PARD3: variants seen among roughly 807,000 people sequenced by gnomAD.
PARD3 encodes the protein partitioning defective 3 homolog.
A neutral mutation model predicts 155.4 loss-of-function variants in PARD3; 75 were observed. That is an observed-to-expected ratio of 0.48 (90% CI 0.40 to 0.58). The LOEUF (loss-of-function observed/expected upper bound fraction) is 0.58. Ranked by LOEUF, PARD3 falls within the 20% of genes least tolerant of loss-of-function variation. The probability of loss-of-function intolerance (pLI) is 0.00; values close to 1 mark genes in which losing one functional copy is unlikely to be tolerated. For missense variants in PARD3, 1,642 were observed against 1,721.7 expected (o/e 0.95, Z 0.82); for synonymous variants, 576 against 610.5 (o/e 0.94, Z 0.83).
intron 22 of PARD3, among the ~76,000 whole-genome samples, chr10:34,165,648 T>C (rs117131786): frequency 2.0e-4 from 30 of 152,366 alleles, no homozygotes; most frequent in African/African-American, 6.5e-4. Context: ...AACAGCTTAA[T>C]AGAGTGAGTG....
intron 5 of PARD3, among the ~76,000 whole-genome samples, chr10:34,416,865 G>C (rs1845727672): frequency 6.6e-6 from 1 of 152,208 alleles, no homozygotes; most frequent in South Asian, 2.1e-4. Flanking sequence ...GTAACAATAG[G>C]AATCTGACAT....
intron 22 of PARD3, among the ~76,000 whole-genome samples, chr10:34,238,845 C>A (rs1953399412): frequency 6.6e-6 from 1 of 152,124 alleles, no homozygotes; most frequent in African/African-American, 2.4e-5. Context: ...TAAAAATAAG[C>A]AGCATTTTTT....
At chr10:34,320,015 T>C (rs992827137) in intron 19 of PARD3, among the ~76,000 whole-genome samples, 6 of 152,338 alleles carry the variant, frequency 3.9e-5, no homozygotes, top group African/African-American at 1.2e-4. Flanking sequence ...TACAATCTTT[T>C]ATTATTGCAC....
intron 2 of PARD3, among the ~76,000 whole-genome samples, chr10:34,644,968 A>G (rs1374546044): frequency 6.6e-6 from 1 of 151,936 alleles, no homozygotes; most frequent in Non-Finnish European, 1.5e-5. Context: ...ATCCTTCTGC[A>G]TCAGCCTCCT....
chr10:34,338,133 G>C (rs928195870), intron 16 of PARD3, among the ~76,000 whole-genome samples: 1 of 152,212 alleles, frequency 6.6e-6, no homozygotes, highest in African/African-American at 2.4e-5. Flanking sequence ...ATAGATGAGT[G>C]AATAAACAGT....
intron 2 of PARD3, among the ~76,000 whole-genome samples, chr10:34,637,065 T>A (rs1248054501): frequency 6.6e-6 from 1 of 152,316 alleles, no homozygotes; most frequent in Non-Finnish European, 1.5e-5. Context: ...AATCTGAAAG[T>A]ACAATTATAC....
At chr10:34,632,019 C>T (rs928359628) in intron 2 of PARD3, among the ~76,000 whole-genome samples, 5 of 152,166 alleles carry the variant, frequency 3.3e-5, no homozygotes, top group Non-Finnish European at 5.9e-5. Flanking sequence ...GAGTGGCTCA[C>T]GCCTGTAATC....
chr10:34,684,820 C>CACACACATATAT (rs1554810168), intron 2 of PARD3, among the ~76,000 whole-genome samples: 5 of 125,630 alleles, frequency 4.0e-5, no homozygotes, highest in South Asian at 2.4e-4. Context: ...CACACACACA[C>CACACACATATAT]ACACACACAC....
At chr10:34,355,327 C>T (rs555140455) in intron 14 of PARD3, among the ~76,000 whole-genome samples, 6 of 151,970 alleles carry the variant, frequency 3.9e-5, no homozygotes, top group African/African-American at 1.2e-4. Context: ...GAGAGCAAGA[C>T]GCTGTCTCCA....
At chr10:34,391,406 T>C (rs190021553) in intron 7 of PARD3, among the ~76,000 whole-genome samples, 30 of 152,234 alleles carry the variant, frequency 2.0e-4, no homozygotes, top group Admixed American at 1.4e-3. Context: ...GGTTTTTCTT[T>C]TTTCCCACAG....
rs114806206 is a variant in PARD3, at chr10:34,540,636, C to T, written c.223-23477G>A. ...AACAAACAAAAATAGAAATATTAGC[C>T]AGGCGTGGTGGCCATTTGCCTGTAG... On this transcript the variant is annotated intron_variant, in intron 2 of 24. Coordinates refer to ENST00000374788, the MANE Select transcript of PARD3 (RefSeq NM_001184785.2). Among the ~76,000 whole-genome samples the T allele has an allele frequency of 1.3e-3, 200 of 152,150 alleles. 1 individual carries two copies. Among genetic ancestry groups the T allele is most frequent in the African/African-American group, 4.5e-3 (185 of 41,510 alleles).
At chr10:34,709,629 T>C (rs1590758696) in intron 1 of PARD3, among the ~76,000 whole-genome samples, 1 of 151,116 alleles carries the variant, frequency 6.6e-6, no homozygotes, top group African/African-American at 2.4e-5. Flanking sequence ...TAAGGGGAGG[T>C]AGCACCAGAG....
At chr10:34,576,068 C>G (rs1226528426) in intron 2 of PARD3, among the ~76,000 whole-genome samples, 1 of 152,122 alleles carries the variant, frequency 6.6e-6, no homozygotes, top group Non-Finnish European at 1.5e-5. Context: ...TGGTTATGTG[C>G]AGTCTTGAAT....
chr10:34,730,612 C>T (rs1015466859), intron 1 of PARD3, among the ~76,000 whole-genome samples: 1 of 152,006 alleles, frequency 6.6e-6, no homozygotes, highest in African/African-American at 2.4e-5. Flanking sequence ...GGCAAGCCAT[C>T]GTCTCTACAA....
chr10:34,634,425 G>A (rs1045669053), intron 2 of PARD3, among the ~76,000 whole-genome samples: 1 of 152,170 alleles, frequency 6.6e-6, no homozygotes, highest in East Asian at 1.9e-4. Context: ...CTCCAGGGGA[G>A]GGAAGGAATG....
At chr10:34,432,374 A>ACACG (rs2132553433) in intron 5 of PARD3, among the ~76,000 whole-genome samples, 1 of 147,256 alleles carries the variant, frequency 6.8e-6, no homozygotes, top group South Asian at 2.1e-4. Flanking sequence ...ACACACACAC[A>ACACG]CAGAGGAGTA....
chr10:34,599,834 A>G (rs1373818854), intron 2 of PARD3, among the ~76,000 whole-genome samples: 1 of 152,184 alleles, frequency 6.6e-6, no homozygotes, highest in Non-Finnish European at 1.5e-5. Context: ...CCATGTTTTA[A>G]ATTTACTATG....
At chr10:34,309,043 A>C (rs1246618898) in intron 20 of PARD3, among the ~76,000 whole-genome samples, 1 of 152,174 alleles carries the variant, frequency 6.6e-6, no homozygotes, top group African/African-American at 2.4e-5. Context: ...GGAACTGGTG[A>C]CCTGGACGAG....
intron 2 of PARD3, among the ~76,000 whole-genome samples, chr10:34,563,982 G>A (rs2085721080): frequency 6.6e-6 from 1 of 152,134 alleles, no homozygotes; most frequent in Admixed American, 6.5e-5. Flanking sequence ...GATAAAATAA[G>A]ATTAATGGTA....
Sources: allele counts gnomAD v4.1 joint callset (sites outside exome capture counted in the v4.1 genomes callset), GRCh38; gene constraint gnomAD v4.1.1; transcripts MANE v1.5; gene names NCBI Gene and HGNC (gene_info 2026-07-23, HGNC 2026-07-21).